Variants in PLEKHF1 observed in about 807,000 individuals in gnomAD.
PLEKHF1 encodes pleckstrin homology and FYVE domain containing 1.
A neutral mutation model predicts 4.1 loss-of-function variants in PLEKHF1; 1 was observed. That is an observed-to-expected ratio of 0.24 (90% confidence interval 0.09 to 1.15). The LOEUF is 1.15. Ranked by LOEUF, PLEKHF1 falls within the 50% of genes most tolerant of loss-of-function variation. The pLI is 0.52. For synonymous variants in PLEKHF1, 182 were observed against 178.5 expected, an observed-to-expected ratio of 1.02 and a Z score of -0.16; for missense variants, 429 against 400.6, an observed-to-expected ratio of 1.07 and a Z score of -0.60.
rs1971657815 is a variant in PLEKHF1, at chr19:29,673,806, G to T, written c.-16-18G>T. ...ATGCCTGAGCCTGGACATACTCCTT[G>T]TCTGTCTCCTCCTGCAGCCGCCAGC... On this transcript the variant is annotated intron_variant, in intron 1 of 1. Coordinates refer to ENST00000436066, the MANE Select transcript of PLEKHF1 (RefSeq NM_024310.5). 1 of 1,569,228 alleles carries T rather than the reference G, an allele frequency of 6.4e-7. No homozygotes were observed. The highest frequency in any genetic ancestry group is 8.7e-7 in the Non-Finnish European group (1 of 1,155,474).
In PLEKHF1 at chr19:29,674,464, C is replaced by G. The variant is rs958096356; in HGVS notation, c.625C>G (p.Arg209Gly). 6 of 1,539,166 alleles carry G rather than the reference C, an allele frequency of 3.9e-6. No individual in the cohort carries two copies. The highest frequency in any genetic ancestry group is 5.2e-6 in the Non-Finnish European group (6 of 1,146,082). Residue 209 changes from arginine (R) to glycine (G), a missense_variant, in exon 2 of 2, where the codon CGC becomes GGC. Physicochemically the swap from Arg to Gly is moderately radical, Grantham distance 125. Coordinates refer to ENST00000436066, the MANE Select transcript of PLEKHF1 (RefSeq NM_024310.5). ...CGTGCGCGTCTGCAGCCTCTGCTAC[C>G]GCGAACTGGCCGCCCAGCAGCGGCA... ...KPVRVCSLCY[R>G]ELAAQQRQEE...
chr19:29,668,665 A>G (rs907313094), intron 1 of PLEKHF1, among the ~76,000 whole-genome samples: 4 of 151,820 alleles, frequency 2.6e-5, no homozygotes, highest in Admixed American at 1.3e-4. Context: ...GGCTGCAGTT[A>G]GCCCTGATTG....
At chr19:29,670,887 G>C (rs764395282) in intron 1 of PLEKHF1, among the ~76,000 whole-genome samples, 2 of 152,036 alleles carry the variant, frequency 1.3e-5, no homozygotes, top group Non-Finnish European at 2.9e-5. Context: ...TGTTGGCCAG[G>C]ATGGTCTAGA....
rs1372507790 is a variant in PLEKHF1 at position 29,674,721 on chromosome 19, G to A, written c.*42G>A. The stretch of plus-strand genomic sequence containing the variant: ...CATCTGTCCCCAAGCCAGCTCCACT[G>A]CCCAGGCCCCCAAGAGGGCAGCTCC... On this transcript the variant is annotated 3_prime_UTR_variant, in exon 2 of 2. Coordinates refer to ENST00000436066, the MANE Select transcript of PLEKHF1 (RefSeq NM_024310.5). The A allele has an allele frequency of 1.3e-6, 2 of 1,542,342 alleles. No homozygotes were observed. The highest frequency in any genetic ancestry group is 1.9e-5 in the Admixed American group (1 of 51,332).
chr19:29,671,433 C>T lies in PLEKHF1; in HGVS notation c.-16-2391C>T, dbSNP rs751198865. 1.2e-4 allele frequency among the ~76,000 whole-genome samples: 18 copies of T among 152,170 alleles called. No homozygotes were observed. Among genetic ancestry groups the T allele is most frequent in the African/African-American group, 1.4e-4 (6 of 41,436 alleles). ...CCACATTGATCTGTATCTCTCATTG[C>T]GTGAGTAGCCCCGGGTTTTTATCCT... On this transcript the variant is annotated intron_variant, in intron 1 of 1. Coordinates refer to ENST00000436066, the MANE Select transcript of PLEKHF1 (RefSeq NM_024310.5). This position sits in a 1 kb window ranked among gnomAD's most constrained non-coding sequence, Gnocchi z 4.0.
At position 29,673,897 on chromosome 19, in the gene PLEKHF1, A is replaced by G. The variant is rs780348776; in HGVS notation, c.58A>G (p.Ser20Gly). 2 of 1,612,010 alleles carry G rather than the reference A, an allele frequency of 1.2e-6. No individual in the cohort carries two copies. The highest frequency in any genetic ancestry group is 2.2e-5 in the South Asian group (2 of 90,980). ...CAGCCAGCGCATCGCGGCAGTGGAG[A>G]GCTGCTTCGGGGCCTCGGGGCAGCC... ...INSQRIAAVE[S>G]CFGASGQPLA... The change falls in exon 2 of 2, where the codon AGC becomes GGC. Residue 20 changes from serine to glycine, a missense_variant. Coordinates refer to ENST00000436066, the MANE Select transcript of PLEKHF1 (RefSeq NM_024310.5).
Position 29,671,512 on chromosome 19 carries a change from G to T in PLEKHF1, c.-16-2312G>T, listed in dbSNP as rs1599509974. On this transcript the variant is annotated intron_variant, in intron 1 of 1. Coordinates refer to ENST00000436066, the MANE Select transcript of PLEKHF1 (RefSeq NM_024310.5). The surrounding 1 kb of genome is among the most constrained non-coding windows in gnomAD (Gnocchi z 4.0). ...CTCTGCTGGGCAGTCATTGCTCTTT[G>T]TGGAATGCAGTTCTGGTTTTGTCAG... Among the ~76,000 whole-genome samples, 2 of 152,238 alleles carry T rather than the reference G, an allele frequency of 1.3e-5. No homozygotes were observed. Among genetic ancestry groups the T allele is most frequent in the South Asian group, 4.1e-4 (2 of 4,820 alleles).
chr19:29,671,469 G>A lies in PLEKHF1; in HGVS notation c.-16-2355G>A, dbSNP rs1056577421. On this transcript the variant is annotated intron_variant, in intron 1 of 1. Transcript: ENST00000436066. The surrounding 1 kb of genome is among the most constrained non-coding windows in gnomAD (Gnocchi z 4.0). ...CCGGGTTTTTATCCTTTTCCCTGCT[G>A]GTAGGCATTTTGGTTGTCTCTGCTG... Among the ~76,000 whole-genome samples, 6 of 152,048 alleles carry A rather than the reference G, an allele frequency of 3.9e-5. No homozygotes were observed. Among genetic ancestry groups the A allele is most frequent in the Non-Finnish European group, 8.8e-5 (6 of 68,022 alleles).
In PLEKHF1 at chr19:29,674,143, A is replaced by T; in HGVS notation, c.304A>T (p.Ile102Phe). 6.2e-7 allele frequency: 1 copy of T among 1,613,808 alleles called. No individual in the cohort carries two copies. The highest frequency in any genetic ancestry group is 8.5e-7 in the Non-Finnish European group (1 of 1,179,966). ...ETLQAKNRWM[I>F]KTAKKSFVVS... ...GCTGCAGGCCAAGAACCGCTGGATG[A>T]TCAAGACGGCCAAGAAGTCCTTTGT... Residue 102 changes from isoleucine (I) to phenylalanine (F), a missense_variant, in exon 2 of 2, where the codon ATC becomes TTC. Physicochemically the swap from Ile to Phe is conservative, Grantham distance 21 (BLOSUM62 0). Transcript: ENST00000436066.
chr19:29,673,783 G>A (rs1402853648), intron 1 of PLEKHF1, 41 bp from the exon 2 acceptor site: 2 of 1,555,020 alleles, frequency 1.3e-6, no homozygotes. Flanking sequence ...ACACCCCCAT[G>A]CCTGAGCCTG....
chr19:29,674,399 C>G lies in PLEKHF1; in HGVS notation c.560C>G (p.Ser187Trp), dbSNP rs558662060. The part of the protein sequence containing the change: ...KCGFVVCAEC[S>W]RQRFLLPRLS... ...GGCTTCGTGGTCTGCGCTGAGTGCT[C>G]GCGCCAGCGCTTCCTGCTCCCGCGC... Residue 187 changes from serine to tryptophan, a missense_variant, in exon 2 of 2, where the codon TCG becomes TGG. Coordinates refer to ENST00000436066, the MANE Select transcript of PLEKHF1 (RefSeq NM_024310.5). 4.9e-4 allele frequency: 748 copies of G among 1,530,648 alleles called. No individual in the cohort carries two copies. Among genetic ancestry groups the G allele is most frequent in the Non-Finnish European group, 6.2e-4 (710 of 1,142,090 alleles). 94.8% of individuals were successfully genotyped at this position (1,530,648 alleles called of 1,614,324 possible). A position where few individuals can be genotyped will look rare whatever the true frequency, so the allele number is the denominator to read the frequency against.
intron 1 of PLEKHF1, among the ~76,000 whole-genome samples, chr19:29,672,495 T>G (rs1336633010): frequency 4.0e-5 from 6 of 151,810 alleles, no homozygotes; most frequent in Non-Finnish European, 2.9e-5. Flanking sequence ...GAGCTGACCC[T>G]GGGACAGCCT....
chr19:29,666,747 T>G (rs1555710410), intron 1 of PLEKHF1: 1 of 152,252 alleles, frequency 6.6e-6, no homozygotes, highest in Non-Finnish European at 1.5e-5. Flanking sequence ...TGGAAGTACC[T>G]TCCCCAAGGG....
intron 1 of PLEKHF1, among the ~76,000 whole-genome samples, chr19:29,666,565 C>T (rs924621434): frequency 5.9e-5 from 9 of 152,210 alleles, no homozygotes; most frequent in African/African-American, 1.4e-4. Flanking sequence ...CGGACCTGCT[C>T]GGGATGGGGT....
intron 1 of PLEKHF1, among the ~76,000 whole-genome samples, chr19:29,667,792 G>T (rs1017343261): frequency 5.9e-5 from 9 of 152,246 alleles, no homozygotes; most frequent in African/African-American, 2.2e-4. Context: ...GTGCCCTGCA[G>T]TGTGTGCATT....
intron 1 of PLEKHF1, among the ~76,000 whole-genome samples, chr19:29,669,250 T>A (rs1039128387): frequency 1.3e-5 from 2 of 152,208 alleles, no homozygotes; most frequent in Non-Finnish European, 2.9e-5. Flanking sequence ...GTGCTGCTCC[T>A]TCCCTTCCTC....
rs766031511 is a variant in PLEKHF1 at position 29,674,645 on chromosome 19, C to G, written c.806C>G (p.Ala269Gly). Residue 269 changes from alanine to glycine, a missense_variant, in exon 2 of 2, where the codon GCC becomes GGC. Transcript: ENST00000436066. The part of the protein sequence containing the change: ...GDWPSSVEFY[A>G]SGVAWSAFHS ...TGGCCCAGCAGCGTGGAGTTCTACG[C>G]CTCGGGGGTGGCCTGGTCTGCCTTC... The G allele has an allele frequency of 4.3e-6, 7 of 1,609,640 alleles. No homozygotes were observed. In the South Asian group the frequency reaches 6.6e-5, roughly 15 times the overall value.
chr19:29,674,211 C>G lies in PLEKHF1; in HGVS notation c.372C>G (p.Ser124Arg). ...ASATERQEWI[S>R]HIEECVRRQL... Reference sequence around the variant, plus strand: ...CTACGGAGCGCCAGGAATGGATTAGCCACATCGAGGAGTGCGTGCGGCGGC... The same window carrying G: ...CTACGGAGCGCCAGGAATGGATTAGGCACATCGAGGAGTGCGTGCGGCGGC... Residue 124 changes from serine to arginine, a missense_variant, in exon 2 of 2, where the codon AGC (serine) becomes AGG (arginine). Physicochemically the swap from Ser to Arg is moderately radical, Grantham distance 110. Transcript: ENST00000436066. 1 of 1,612,724 alleles carries G rather than the reference C, an allele frequency of 6.2e-7. No individual in the cohort carries two copies. The highest frequency in any genetic ancestry group is 8.5e-7 in the Non-Finnish European group (1 of 1,179,812).
chr19:29,667,690 G>A (rs550840034), intron 1 of PLEKHF1, among the ~76,000 whole-genome samples: 3 of 147,668 alleles, frequency 2.0e-5, no homozygotes, highest in East Asian at 4.1e-4. Flanking sequence ...GGGGCCCCAC[G>A]CATCTCTCAT....
Sources: allele counts gnomAD v4.1 joint callset (sites outside exome capture counted in the v4.1 genomes callset), GRCh38; gene constraint gnomAD v4.1.1; non-coding constraint Gnocchi (gnomAD v3.1); transcripts MANE v1.5; gene names NCBI Gene and HGNC (gene_info 2026-07-23, HGNC 2026-07-21).